Variants in PTPRS observed in about 807,000 individuals in gnomAD.
PTPRS encodes the protein receptor-type tyrosine-protein phosphatase S.
Under a neutral mutation model 215.3 loss-of-function variants are expected in PTPRS, and 63 were observed. The ratio of observed to expected loss-of-function variants is 0.29; its 90% CI spans 0.24 to 0.36. The LOEUF is 0.36. Among genes scored for constraint, PTPRS ranks in the 10% least tolerant of loss-of-function variants. PTPRS has a pLI of 1.00. For synonymous variants in PTPRS, 1,404 were observed against 1,191.4 expected (o/e 1.18, Z -3.68); for missense variants, 2,258 against 2,825.8 (o/e 0.80, Z 4.56).
rs1330569020 is a variant in PTPRS at position 5,212,089 on chromosome 19, G to A, written c.4931C>T (p.Ala1644Val). The change falls in exon 32 of 38, where the codon GCC becomes GTC. Residue 1644 changes from alanine (A) to valine (V), a missense_variant. This residue lies in a region of PTPRS where 927 missense variants were observed against 1,125.9 expected (regional missense o/e 0.82). Coordinates refer to ENST00000262963, the MANE Select transcript of PTPRS (RefSeq NM_002850.4). ...TEDQYSFIHE[A>V]LLEAVGCGNT... ...GCCACAGCCCACGGCCTCCAGCAGG[G>A]CCTCGTGGATGAAGCTGTACTGGTC... 1 of 1,614,062 alleles carries A rather than the reference G, an allele frequency of 6.2e-7. No individual in the cohort carries two copies. Among genetic ancestry groups the A allele is most frequent in the Non-Finnish European group, 8.5e-7 (1 of 1,180,054 alleles).
At chr19:5,330,117 G>A (rs1313790495) in intron 1 of PTPRS, among the ~76,000 whole-genome samples, 1 of 151,584 alleles carries the variant, frequency 6.6e-6, no homozygotes. Context: ...TTTCCAGACG[G>A]CATCAACAGA....
intron 1 of PTPRS, among the ~76,000 whole-genome samples, chr19:5,334,461 T>A (rs1358200473): frequency 6.6e-6 from 1 of 152,192 alleles, no homozygotes; most frequent in Non-Finnish European, 1.5e-5. Context: ...CTCTTCTCCA[T>A]AGACAGATGA....
In PTPRS at chr19:5,241,131, C is replaced by T. The variant is rs185055354; in HGVS notation, c.1571-799G>A. Among the ~76,000 whole-genome samples the T allele has an allele frequency of 2.6e-5, 4 of 151,980 alleles. No individual in the cohort carries two copies. The East Asian group carries it at 6.0e-4, about 23-fold the overall frequency. On this transcript the variant is annotated intron_variant, in intron 11 of 37. Transcript: ENST00000262963. ...CTCAAACTCCTGACCTCAACTGATC[C>T]TCCTGCCTCGGCCTCCCAAAGTGCT...
At chr19:5,322,990 T>C (rs1051799242) in intron 1 of PTPRS, among the ~76,000 whole-genome samples, 4 of 151,906 alleles carry the variant, frequency 2.6e-5, no homozygotes, top group African/African-American at 9.7e-5. Context: ...AGGCAAAATG[T>C]ATGCCTGGAG....
chr19:5,279,962 C>T (rs1031551037), intron 2 of PTPRS, among the ~76,000 whole-genome samples: 13 of 152,030 alleles, frequency 8.6e-5, no homozygotes, highest in Admixed American at 3.3e-4. Context: ...GGATTACAGG[C>T]GTGAGCCACC....
chr19:5,219,006 GC>G, intron 23 of PTPRS: 1 of 635,820 alleles, frequency 1.6e-6, no homozygotes, highest in Non-Finnish European at 2.7e-6. Flanking sequence ...CCTGGGATGT[GC>G]CCCATGGGGC....
At chr19:5,258,753 T>G (rs984248551) in intron 7 of PTPRS, among the ~76,000 whole-genome samples, 3 of 152,188 alleles carry the variant, frequency 2.0e-5, no homozygotes, top group Non-Finnish European at 4.4e-5. Flanking sequence ...CTGAGGCAGC[T>G]AAAGTAAAAA....
chr19:5,266,395 A>G (rs1211082885), intron 4 of PTPRS, among the ~76,000 whole-genome samples: 1 of 152,080 alleles, frequency 6.6e-6, no homozygotes, highest in Non-Finnish European at 1.5e-5. Context: ...TTGGGATTAC[A>G]GGTATTTTAC....
rs1042074368 is a variant in PTPRS, at chr19:5,243,776, T to C, written c.1570+125A>G. 2.8e-5 allele frequency: 26 copies of C among 943,528 alleles called. 1 individual carries two copies. The South Asian group carries it at 3.5e-4, about 13-fold the overall frequency. The allele number at this position is 943,528 out of a possible 1,614,324, so 58.4% of individuals were successfully genotyped here. A position where few individuals can be genotyped will look rare whatever the true frequency, so the allele number is the denominator to read the frequency against. The stretch of plus-strand genomic sequence containing the variant: ...CGTAAACCACCACACCCGGCCTAAA[T>C]GCTAGCATGAAAATATCTTAAAGCA... On this transcript the variant is annotated intron_variant, in intron 11 of 37. Transcript: ENST00000262963.
chr19:5,340,404 C>G (rs1600168005), intron 1 of PTPRS, among the ~76,000 whole-genome samples: 1 of 150,960 alleles, frequency 6.6e-6, no homozygotes, highest in African/African-American at 2.4e-5. Flanking sequence ...CGGACGAAGC[C>G]CCCCCAGCAC....
intron 4 of PTPRS, among the ~76,000 whole-genome samples, chr19:5,265,554 C>T (rs1032779332): frequency 3.9e-5 from 6 of 152,202 alleles, no homozygotes; most frequent in East Asian, 3.9e-4. Context: ...GTTGTCCAGG[C>T]GGGTCTCAAA....
intron 1 of PTPRS, among the ~76,000 whole-genome samples, chr19:5,301,698 C>A (rs940821397): frequency 6.6e-6 from 1 of 152,062 alleles, no homozygotes; most frequent in Non-Finnish European, 1.5e-5. Flanking sequence ...TCCCCCTCTA[C>A]ACCCACCAGT....
In PTPRS at chr19:5,222,962, C is replaced by G; in HGVS notation, c.2830G>C (p.Gly944Arg). The change falls in exon 18 of 38, where the codon GGG (glycine) becomes CGG (arginine). Residue 944 changes from glycine to arginine, a missense_variant. Gly to Arg is a moderately radical substitution (Grantham distance 125). This residue lies in a region of PTPRS where 361 missense variants were observed against 332.6 expected (regional missense o/e 1.09). Transcript: ENST00000262963. Reference sequence around the variant, plus strand: ...GGCAGCCAGCGGAGAAGGACGGTCCCGGCCGAGGCGTTGCCGGCCGCCTCC... The same window carrying G: ...GGCAGCCAGCGGAGAAGGACGGTCCGGGCCGAGGCGTTGCCGGCCGCCTCC... ...ILEAAGNASA[G>R]TVLLRWLPPV... 6.5e-7 allele frequency: 1 copy of G among 1,544,800 alleles called. No individual in the cohort carries two copies. The highest frequency in any genetic ancestry group is 8.7e-7 in the Non-Finnish European group (1 of 1,150,960).
At chr19:5,325,441 G>A (rs1421981755) in intron 1 of PTPRS, among the ~76,000 whole-genome samples, 1 of 152,264 alleles carries the variant, frequency 6.6e-6, no homozygotes, top group Non-Finnish European at 1.5e-5. Flanking sequence ...TGGGCCATGG[G>A]GCCAGGTCTT....
At chr19:5,291,428 C>G (rs534926446) in intron 1 of PTPRS, among the ~76,000 whole-genome samples, 1 of 152,212 alleles carries the variant, frequency 6.6e-6, no homozygotes, top group South Asian at 2.1e-4. Context: ...CCCAGGCTGC[C>G]AAAATTGCCC....
At chr19:5,258,300 TCCACCCCCACATCTAGCC>T (rs1233448778) in intron 7 of PTPRS, 173 bp from the exon 8 acceptor site, 2 of 604,560 alleles carry the variant, frequency 3.3e-6, no homozygotes, top group African/African-American at 3.7e-5. Flanking sequence ...TTGTATAACC[TCCACCCCCACATCTAGCC>T]CCACCAGGGC....
intron 4 of PTPRS, among the ~76,000 whole-genome samples, chr19:5,270,828 A>G (rs879770655): frequency 6.6e-6 from 1 of 152,002 alleles, no homozygotes; most frequent in Non-Finnish European, 1.5e-5. Flanking sequence ...TATTTTTAGT[A>G]GATTTGGGGT....
chr19:5,255,524 G>A (rs1003750369), intron 9 of PTPRS, among the ~76,000 whole-genome samples: 47 of 150,742 alleles, frequency 3.1e-4, no homozygotes, highest in Admixed American at 2.0e-4. Context: ...AAGGGAATGG[G>A]AGGGGAAAAA....
chr19:5,218,804 C>G lies in PTPRS; in HGVS notation c.3924-6G>C. 6.2e-7 allele frequency: 1 copy of G among 1,602,154 alleles called. No homozygotes were observed. ...GTTCTTACCTGTCGGGTTTGCTGTTCCCGAAAGCAGACACAGGTGAGAAGG... is the reference window on the plus strand; with the variant it reads ...GTTCTTACCTGTCGGGTTTGCTGTTGCCGAAAGCAGACACAGGTGAGAAGG... On this transcript the variant is annotated splice_polypyrimidine_tract_variant and splice_region_variant and intron_variant, in intron 23 of 37. Transcript: ENST00000262963.
Sources: allele counts gnomAD v4.1 joint callset (sites outside exome capture counted in the v4.1 genomes callset), GRCh38; gene constraint gnomAD v4.1.1; regional missense constraint gnomAD v4.1.1; transcripts MANE v1.5; gene names NCBI Gene and HGNC (gene_info 2026-07-23, HGNC 2026-07-21).